Variants in TTC39C observed in about 807,000 individuals in gnomAD.
The protein encoded by TTC39C is tetratricopeptide repeat domain 39C, also known as tetratricopeptide repeat protein 39C.
TTC39C carries 33 observed loss-of-function variants against 76.3 expected under a neutral mutation model. The ratio of observed to expected loss-of-function variants is 0.43; its 90% CI spans 0.33 to 0.58. The LOEUF is 0.58. Ranked by LOEUF, TTC39C falls within the 20% of genes least tolerant of loss-of-function variation. TTC39C has a pLI of 0.04. For missense variants in TTC39C, 595 were observed against 701.4 expected (o/e 0.85, Z 1.71); for synonymous variants, 254 against 260.6 (o/e 0.97, Z 0.24).
intron 1 of TTC39C, among the ~76,000 whole-genome samples, chr18:24,053,740 A>C (rs2083981712): frequency 6.6e-6 from 1 of 152,238 alleles, no homozygotes; most frequent in South Asian, 2.1e-4. Context: ...TGGGGGCTAC[A>C]TTCAGACCAT....
chr18:24,040,076 G>C (rs543817046), intron 1 of TTC39C, among the ~76,000 whole-genome samples: 4 of 152,326 alleles, frequency 2.6e-5, no homozygotes, highest in African/African-American at 9.6e-5. Flanking sequence ...AAAAAGACTT[G>C]AAGTAGCTGG....
chr18:24,053,113 C>A (rs2083972968), intron 1 of TTC39C, among the ~76,000 whole-genome samples: 2 of 152,142 alleles, frequency 1.3e-5, no homozygotes, highest in South Asian at 4.1e-4. Context: ...AAGATGCTTT[C>A]AGAATAAATC....
chr18:24,042,205 G>A (rs2083802798), intron 1 of TTC39C, among the ~76,000 whole-genome samples: 1 of 152,070 alleles, frequency 6.6e-6, no homozygotes, highest in East Asian at 1.9e-4. Context: ...CATTTAGGTG[G>A]GTTCTATTTT....
intron 1 of TTC39C, among the ~76,000 whole-genome samples, chr18:24,005,615 G>A (rs946467263): frequency 2.6e-5 from 4 of 151,914 alleles, no homozygotes; most frequent in African/African-American, 9.7e-5. Flanking sequence ...GGAGGCTGAA[G>A]TGGGAGCATC....
intron 7 of TTC39C, 84 bp from the exon 8 acceptor site, chr18:24,118,041 C>A: frequency 5.0e-6 from 5 of 991,644 alleles, no homozygotes; most frequent in Non-Finnish European, 5.9e-6. Flanking sequence ...AGAGAATGAT[C>A]GCCATATCAG....
rs571624654 is a variant in TTC39C, at chr18:24,044,653, A to G, written c.168-19487A>G. 2.0e-5 allele frequency among the ~76,000 whole-genome samples: 3 copies of G among 152,302 alleles called. No individual in the cohort carries two copies. The South Asian group carries it at 6.2e-4, about 32-fold the overall frequency. On this transcript the variant is annotated intron_variant, in intron 1 of 13. Transcript: ENST00000317571. ...TCAGGACCGTCAGCCTCCAAAGGCC[A>G]CTGAGGAAGAGGGGCCATCCACTGG...
At chr18:24,020,021 C>A in intron 1 of TTC39C, 1 of 1,411,178 alleles carries the variant, frequency 7.1e-7, no homozygotes. Context: ...TCCATGATTT[C>A]TAGACAAGTC....
intron 7 of TTC39C, 54 bp from the exon 8 acceptor site, chr18:24,118,070 TG>T: frequency 7.1e-7 from 1 of 1,417,974 alleles, no homozygotes; most frequent in South Asian, 1.3e-5. Context: ...GGCTTAAATA[TG>T]GGTCATAGAG....
chr18:24,012,701 T>G (rs1464550088), upstream of TTC39C, among the ~76,000 whole-genome samples: 1 of 152,062 alleles, frequency 6.6e-6, no homozygotes, highest in African/African-American at 2.4e-5. Flanking sequence ...GTTCCACAGA[T>G]CCAAAGTTCC....
chr18:24,089,872 A>G (rs1329105273), intron 6 of TTC39C, among the ~76,000 whole-genome samples: 5 of 152,116 alleles, frequency 3.3e-5, no homozygotes, highest in African/African-American at 9.7e-5. Flanking sequence ...TCTGCTTGCT[A>G]CAGGTGACAA....
chr18:24,021,560 T>C (rs1361070688), intron 1 of TTC39C, among the ~76,000 whole-genome samples: 1 of 125,024 alleles, frequency 8.0e-6, no homozygotes, highest in Non-Finnish European at 1.7e-5. Context: ...TTTTTTTTTT[T>C]TCCGAGACAG....
chr18:24,033,491 G>T (rs1364933464), intron 1 of TTC39C, among the ~76,000 whole-genome samples: 1 of 152,118 alleles, frequency 6.6e-6, no homozygotes, highest in Non-Finnish European at 1.5e-5. Context: ...TTCCCTTCCT[G>T]GAGAGGCTTT....
intron 4 of TTC39C, among the ~76,000 whole-genome samples, chr18:24,069,512 A>G (rs989874254): frequency 6.6e-6 from 1 of 152,210 alleles, no homozygotes; most frequent in African/African-American, 2.4e-5. Context: ...TCATACTGAC[A>G]GAAATTGCTA....
intron 6 of TTC39C, among the ~76,000 whole-genome samples, chr18:24,104,940 C>T (rs927461903): frequency 5.9e-5 from 9 of 151,750 alleles, no homozygotes; most frequent in South Asian, 4.2e-4. Flanking sequence ...ACTTTCTAAA[C>T]GTAACTCTAA....
intron 10 of TTC39C, among the ~76,000 whole-genome samples, chr18:24,127,224 A>G (rs1303331338): frequency 6.6e-6 from 1 of 152,266 alleles, no homozygotes. Context: ...AATGGTAAGC[A>G]GTAATGGTAC....
intron 2 of TTC39C, 50 bp from the exon 3 acceptor site, chr18:24,065,962 A>C (rs1480430405): frequency 6.7e-7 from 1 of 1,492,726 alleles, no homozygotes; most frequent in South Asian, 1.3e-5. Flanking sequence ...AGTTGGCTTA[A>C]ATTTTCAGAT....
chr18:24,118,186 A>G lies in TTC39C; in HGVS notation c.1140A>G (p.Lys380=). 2 of 1,614,052 alleles carry G rather than the reference A, an allele frequency of 1.2e-6. No individual in the cohort carries two copies. The highest frequency in any genetic ancestry group is 1.7e-6 in the Non-Finnish European group (2 of 1,179,974). ...CATTTGATTCCTTTGAGAGGCTAAA[A>G]AATGAGTCCAGGTGGTCCCAGTGCT... ...KDAFDSFERL[K]NESRWSQCYY... Residue 380 remains lysine (K), a synonymous_variant, in exon 8 of 14, where the codon AAA becomes AAG. Transcript: ENST00000317571.
intron 6 of TTC39C, among the ~76,000 whole-genome samples, chr18:24,086,686 C>A (rs1424729825): frequency 6.6e-6 from 1 of 152,188 alleles, no homozygotes; most frequent in Non-Finnish European, 1.5e-5. Context: ...CTCCCCACTG[C>A]GTGTCTATAG....
rs893914321 is a variant in TTC39C at position 24,130,920 on chromosome 18, A to G, written c.1623+503A>G. On this transcript the variant is annotated intron_variant, in intron 12 of 13. Transcript: ENST00000317571. ...AAAATATGGCCAGGCTCAGTGGCTC[A>G]TGCCTGTAATCCCAGCAGTTTGGGA... 1.7e-4 allele frequency among the ~76,000 whole-genome samples: 25 copies of G among 145,890 alleles called. No homozygotes were observed. The South Asian group carries it at 5.6e-3, about 33-fold the overall frequency.
Sources: allele counts gnomAD v4.1 joint callset (sites outside exome capture counted in the v4.1 genomes callset), GRCh38; gene constraint gnomAD v4.1.1; transcripts MANE v1.5; gene names NCBI Gene and HGNC (gene_info 2026-07-23, HGNC 2026-07-21).